The following RBFOX3 variants were observed in gnomAD, a reference collection of about 807,000 sequenced individuals.
RBFOX3 encodes RNA binding protein fox-1 homolog 3.
A neutral mutation model predicts 48.7 loss-of-function variants in RBFOX3; 17 were observed. The ratio of observed to expected loss-of-function variants is 0.35; its 90% CI spans 0.24 to 0.52. RBFOX3 has a LOEUF of 0.52. RBFOX3 is among the 20% of genes least tolerant of loss of function. The pLI, the probability that RBFOX3 is intolerant of heterozygous loss-of-function variation, is 0.94. For synonymous variants in RBFOX3, 212 were observed against 209.5 expected, an observed-to-expected ratio of 1.01 and a Z score of -0.10; for missense variants, 382 against 497.5, an observed-to-expected ratio of 0.77 and a Z score of 2.21.
chr17:79,553,658 A>G (rs1286682163), intron 1 of RBFOX3, among the ~76,000 whole-genome samples: 1 of 152,164 alleles, frequency 6.6e-6, no homozygotes, highest in Non-Finnish European at 1.5e-5. Context: ...TCAGTTTGGT[A>G]AATTATATTT....
At chr17:79,187,532 A>G (rs936548735) in intron 4 of RBFOX3, among the ~76,000 whole-genome samples, 2 of 152,184 alleles carry the variant, frequency 1.3e-5, no homozygotes, top group South Asian at 2.1e-4. Context: ...GGGCTTGGGC[A>G]TGAGCACTGG....
At chr17:79,617,567 C>T in the RBFOX3 span, among the ~76,000 whole-genome samples, 3 of 152,184 alleles carry the variant, frequency 2.0e-5, no homozygotes, top group Non-Finnish European at 4.4e-5. Context: ...TCGACTTCAT[C>T]CTCCACCACA....
chr17:79,648,771 C>G, the RBFOX3 span, among the ~76,000 whole-genome samples: 3 of 152,140 alleles, frequency 2.0e-5, no homozygotes, highest in Non-Finnish European at 4.4e-5. Context: ...CCCAGCCTCC[C>G]TTGCAGGATG....
the RBFOX3 span, among the ~76,000 whole-genome samples, chr17:79,631,226 C>G: frequency 6.6e-6 from 1 of 152,112 alleles, no homozygotes; most frequent in South Asian, 2.1e-4. Context: ...GGAAGGAACC[C>G]TCCAGCCTTC....
chr17:79,277,695 G>C (rs533706115), intron 3 of RBFOX3, among the ~76,000 whole-genome samples: 1 of 152,344 alleles, frequency 6.6e-6, no homozygotes, highest in African/African-American at 2.4e-5. Context: ...TCAAGTCACT[G>C]TTGCGGGTGG....
chr17:79,145,582 C>T (rs1408400957), intron 4 of RBFOX3, among the ~76,000 whole-genome samples: 8 of 152,220 alleles, frequency 5.3e-5, no homozygotes, highest in African/African-American at 1.9e-4. Flanking sequence ...CCCCACCGCC[C>T]TGGCCTTCCT....
At chr17:79,629,529 C>T in the RBFOX3 span, among the ~76,000 whole-genome samples, 6 of 152,282 alleles carry the variant, frequency 3.9e-5, no homozygotes, top group East Asian at 1.9e-4. Context: ...ACCTCTCATT[C>T]GCTTGCTGGT....
chr17:79,412,277 C>T (rs189324109), intron 2 of RBFOX3, among the ~76,000 whole-genome samples: 4,195 of 148,378 alleles, frequency 0.028, 206 homozygotes, highest in African/African-American at 0.097. Context: ...GGTATGTGTG[C>T]GTGTATGAAC....
chr17:79,597,469 G>A (rs1001048372), intron 1 of RBFOX3, among the ~76,000 whole-genome samples: 35 of 152,318 alleles, frequency 2.3e-4, no homozygotes, highest in African/African-American at 6.3e-4. Context: ...GCCCTCTGCC[G>A]TCGTCCTGTG....
At chr17:79,652,568 AAAGG>A in the RBFOX3 span, among the ~76,000 whole-genome samples, 1 of 588 alleles carries the variant, frequency 1.7e-3, no homozygotes, top group African/African-American at 4.7e-3. Context: ...GAAGGAAAGG[AAAGG>A]AAAGGAGAGG....
chr17:79,449,836 G>GCA (rs1324725093), intron 2 of RBFOX3, among the ~76,000 whole-genome samples: 1 of 152,198 alleles, frequency 6.6e-6, no homozygotes, highest in African/African-American at 2.4e-5. Flanking sequence ...GTCACGATGG[G>GCA]CACACCATTG....
At chr17:79,564,082 C>A (rs972752387) in intron 1 of RBFOX3, among the ~76,000 whole-genome samples, 11 of 152,192 alleles carry the variant, frequency 7.2e-5, no homozygotes, top group African/African-American at 2.7e-4. Context: ...TCTTTGGGGT[C>A]AGTACCTTAC....
At chr17:79,573,999 G>A (rs1002483388) in intron 1 of RBFOX3, among the ~76,000 whole-genome samples, 2 of 152,192 alleles carry the variant, frequency 1.3e-5, no homozygotes, top group East Asian at 3.9e-4. Flanking sequence ...GAAGGGGTGC[G>A]AGCCCCCAGG....
chr17:79,241,461 G>A (rs751648787), intron 3 of RBFOX3, among the ~76,000 whole-genome samples: 7 of 152,144 alleles, frequency 4.6e-5, no homozygotes, highest in African/African-American at 7.2e-5. Flanking sequence ...GCTGGGAAGA[G>A]GGGCAAGGAA....
chr17:79,310,170 G>A (rs1159903570), intron 2 of RBFOX3, among the ~76,000 whole-genome samples: 1 of 152,118 alleles, frequency 6.6e-6, no homozygotes. Context: ...TTCCCTGCCC[G>A]CAGCATGGCC....
At chr17:79,123,529 C>T (rs148063679) in intron 4 of RBFOX3, among the ~76,000 whole-genome samples, 6 of 152,200 alleles carry the variant, frequency 3.9e-5, no homozygotes, top group Admixed American at 6.5e-5. Flanking sequence ...GCTGAATCTC[C>T]GGCATCCAGA....
chr17:79,592,372 G>A (rs1599242086), intron 1 of RBFOX3, among the ~76,000 whole-genome samples: 1 of 151,560 alleles, frequency 6.6e-6, no homozygotes, highest in Non-Finnish European at 1.5e-5. Flanking sequence ...TGTGTGTGGT[G>A]TGTGCAGTGT....
chr17:79,156,525 T>G (rs532761546), intron 4 of RBFOX3, among the ~76,000 whole-genome samples: 1 of 152,180 alleles, frequency 6.6e-6, no homozygotes, highest in African/African-American at 2.4e-5. Flanking sequence ...ACGTCTCCAG[T>G]TGGGCAGGCC....
chr17:79,126,000 C>T (rs757925132), intron 4 of RBFOX3, among the ~76,000 whole-genome samples: 1 of 152,252 alleles, frequency 6.6e-6, no homozygotes, highest in Non-Finnish European at 1.5e-5. Flanking sequence ...ACTACCACCC[C>T]CTGCACATTT....
Sources: gnomAD v4.1 joint callset for allele counts (sites outside exome capture counted in the v4.1 genomes callset) on GRCh38, gnomAD v4.1.1 for gene constraint, MANE v1.5 for transcripts, NCBI Gene and HGNC (gene_info 2026-07-23, HGNC 2026-07-21) for gene names.